The following GPR158 variants were observed in gnomAD, a reference collection of about 807,000 sequenced individuals.
GPR158 encodes metabotropic glycine receptor.
In GPR158, 30 loss-of-function variants were observed where a neutral mutation model predicts 78.2. That is an observed-to-expected ratio of 0.38 (90% CI 0.29 to 0.52). The LOEUF (loss-of-function observed/expected upper bound fraction) is 0.52. Among genes scored for constraint, GPR158 ranks in the 20% least tolerant of loss-of-function variants. GPR158 has a pLI of 0.83. For missense variants in GPR158, 1,463 were observed against 1,523.5 expected (o/e 0.96, Z 0.66); for synonymous variants, 581 against 591.1 (o/e 0.98, Z 0.25).
At chr10:25,446,484 A>C (rs1324789322) in intron 4 of GPR158, among the ~76,000 whole-genome samples, 1 of 151,694 alleles carries the variant, frequency 6.6e-6, no homozygotes, top group Non-Finnish European at 1.5e-5. Context: ...AACATTAACG[A>C]ATCCATTCTA....
In GPR158 at chr10:25,175,875, AC is replaced by A; in HGVS notation, c.456del (p.Asp152GlufsTer153). 6.2e-7 allele frequency: 1 copy of A among 1,613,856 alleles called. No individual in the cohort carries two copies. The highest frequency in any genetic ancestry group is 8.5e-7 in the Non-Finnish European group (1 of 1,179,984). On this transcript the variant is annotated frameshift_variant, in exon 1 of 11. Coordinates refer to ENST00000376351, the MANE Select transcript of GPR158 (RefSeq NM_020752.3). LOFTEE classifies it high-confidence loss of function. This position sits in a 1 kb window ranked among gnomAD's most constrained non-coding sequence, Gnocchi z 6.4. Reference protein sequence around the residue: ...SNKSREQNLQDDLDWYQALVW... With the variant: ...SNKSREQNLQXDLDWYQALVW... ...AAGTCGCGGGAGCAGAACTTGCAGGACGACCTGGATTGGTACCAGGCGCTGG... is the reference window on the plus strand; with the variant it reads ...AAGTCGCGGGAGCAGAACTTGCAGGAGACCTGGATTGGTACCAGGCGCTGG...
At chr10:25,549,796 A>G (rs571195608) in intron 5 of GPR158, among the ~76,000 whole-genome samples, 34 of 152,212 alleles carry the variant, frequency 2.2e-4, no homozygotes, top group Non-Finnish European at 4.3e-4. Flanking sequence ...TGCTAGAGAG[A>G]GGGGCTATAT....
intron 2 of GPR158, among the ~76,000 whole-genome samples, chr10:25,280,707 T>TTATGTATGTATG (rs34530811): frequency 0.015 from 2,276 of 151,484 alleles, 16 homozygotes; most frequent in African/African-American, 0.027. Flanking sequence ...TCAACACATT[T>TTATGTATGTATG]TATGTATGTA....
chr10:25,528,816 G>A (rs1337982105), intron 5 of GPR158, among the ~76,000 whole-genome samples: 5 of 152,134 alleles, frequency 3.3e-5, no homozygotes. Context: ...CTAAGTCAGT[G>A]TTTTAAAAGA....
chr10:25,298,246 C>T (rs1021636534), intron 2 of GPR158, among the ~76,000 whole-genome samples: 4 of 152,032 alleles, frequency 2.6e-5, no homozygotes, highest in Non-Finnish European at 5.9e-5. Context: ...TTCTTGTTTT[C>T]GTATTTTATT....
At chr10:25,537,396 G>C (rs1035245708) in intron 5 of GPR158, among the ~76,000 whole-genome samples, 8 of 151,896 alleles carry the variant, frequency 5.3e-5, no homozygotes, top group African/African-American at 1.9e-4. Context: ...CATTTACTAA[G>C]CACCTGTAAC....
intron 2 of GPR158, among the ~76,000 whole-genome samples, chr10:25,345,104 G>A (rs1855355678): frequency 6.6e-6 from 1 of 152,008 alleles, no homozygotes; most frequent in African/African-American, 2.4e-5. Flanking sequence ...TCGGACCACA[G>A]CAGTTCATTT....
intron 2 of GPR158, among the ~76,000 whole-genome samples, chr10:25,295,239 T>C (rs1854495235): frequency 6.6e-6 from 1 of 152,292 alleles, no homozygotes; most frequent in African/African-American, 2.4e-5. Flanking sequence ...TCTAATCAAT[T>C]TCACTGTTAT....
chr10:25,438,967 T>A (rs1835033390), intron 4 of GPR158, among the ~76,000 whole-genome samples: 2 of 152,244 alleles, frequency 1.3e-5, no homozygotes, highest in African/African-American at 2.4e-5. Flanking sequence ...TTTATTGGGA[T>A]ACAGCCACAT....
chr10:25,381,939 G>A (rs747167464), intron 2 of GPR158, among the ~76,000 whole-genome samples: 2 of 152,212 alleles, frequency 1.3e-5, no homozygotes, highest in South Asian at 2.1e-4. Flanking sequence ...TAAGCTGCCT[G>A]AGAACCAGAC....
chr10:25,462,488 T>G (rs1162205749), intron 4 of GPR158, among the ~76,000 whole-genome samples: 1 of 152,172 alleles, frequency 6.6e-6, no homozygotes, highest in African/African-American at 2.4e-5. Flanking sequence ...AAGAAACACA[T>G]TTTGTAAGGC....
intron 5 of GPR158, among the ~76,000 whole-genome samples, chr10:25,537,321 C>T (rs74124066): frequency 0.029 from 4,425 of 152,242 alleles, 226 homozygotes; most frequent in African/African-American, 0.1. Flanking sequence ...ATAAGATTAT[C>T]TTATTTCTAA....
At chr10:25,270,899 G>A (rs141746212) in intron 2 of GPR158, among the ~76,000 whole-genome samples, 2 of 152,262 alleles carry the variant, frequency 1.3e-5, no homozygotes, top group African/African-American at 4.8e-5. Context: ...GAAATGCTTA[G>A]TTTTTGATGC....
chr10:25,424,639 G>T (rs914511080), intron 4 of GPR158, among the ~76,000 whole-genome samples: 8 of 151,680 alleles, frequency 5.3e-5, no homozygotes, highest in Non-Finnish European at 1.2e-4. Flanking sequence ...ATTAAATAGG[G>T]AATCCTTTCC....
At chr10:25,521,659 T>C (rs1253395478) in intron 5 of GPR158, among the ~76,000 whole-genome samples, 2 of 152,192 alleles carry the variant, frequency 1.3e-5, no homozygotes, top group Non-Finnish European at 2.9e-5. Context: ...TGGTAGACTA[T>C]GTCAGAGGGA....
At chr10:25,483,348 C>A (rs923347351) in intron 5 of GPR158, among the ~76,000 whole-genome samples, 3 of 151,984 alleles carry the variant, frequency 2.0e-5, no homozygotes, top group Non-Finnish European at 4.4e-5. Context: ...CACCTCAAAG[C>A]GCTTGCACTG....
At chr10:25,503,619 C>T (rs1167260920) in intron 5 of GPR158, among the ~76,000 whole-genome samples, 1 of 152,096 alleles carries the variant, frequency 6.6e-6, no homozygotes. Flanking sequence ...TACCAGTTCC[C>T]TGGAATGTAT....
chr10:25,411,308 A>T (rs73608289), intron 3 of GPR158, among the ~76,000 whole-genome samples: 1 of 152,188 alleles, frequency 6.6e-6, no homozygotes, highest in Non-Finnish European at 1.5e-5. Flanking sequence ...GGGAAATTAC[A>T]TGATAGCTTG....
At chr10:25,489,547 C>G (rs1271748682) in intron 5 of GPR158, among the ~76,000 whole-genome samples, 1 of 152,116 alleles carries the variant, frequency 6.6e-6, no homozygotes, top group African/African-American at 2.4e-5. Context: ...AAAGGTTTCA[C>G]ACTAGAATGC....
Sources: allele counts gnomAD v4.1 joint callset (sites outside exome capture counted in the v4.1 genomes callset), GRCh38; gene constraint gnomAD v4.1.1; non-coding constraint Gnocchi (gnomAD v3.1); transcripts MANE v1.5; gene names NCBI Gene and HGNC (gene_info 2026-07-23, HGNC 2026-07-21).